The following GPC5 variants were observed in gnomAD, a reference collection of about 807,000 sequenced individuals.
The protein encoded by GPC5 is glypican 5, also known as glypican-5.
Under a neutral mutation model 53.9 loss-of-function variants are expected in GPC5, and 47 were observed. The ratio of observed to expected loss-of-function variants is 0.87; its 90% CI spans 0.69 to 1.11. The LOEUF is 1.11. GPC5 is among the 50% of genes most tolerant of loss of function. GPC5 has a pLI of 0.00. For synonymous variants in GPC5, 286 were observed against 263.3 expected, an observed-to-expected ratio of 1.09 and a Z score of -0.84; for missense variants, 748 against 713.1, an observed-to-expected ratio of 1.05 and a Z score of -0.56.
At chr13:92,119,441 C>CAAGCTGGA (rs1222016246) in intron 6 of GPC5, among the ~76,000 whole-genome samples, 1 of 136,890 alleles carries the variant, frequency 7.3e-6, no homozygotes, top group Admixed American at 8.0e-5. Context: ...CTCTTTCACC[C>CAAGCTGGA]AAGCTGGAGT....
At chr13:91,554,758 C>T (rs1723041460) in intron 2 of GPC5, among the ~76,000 whole-genome samples, 1 of 152,052 alleles carries the variant, frequency 6.6e-6, no homozygotes, top group Non-Finnish European at 1.5e-5. Context: ...TGTAACCTCT[C>T]CGTGGTGTTG....
chr13:92,339,646 T>C (rs1029420694), intron 7 of GPC5: 1 of 152,132 alleles, frequency 6.6e-6, no homozygotes, highest in Non-Finnish European at 1.5e-5. Context: ...TCTGTGGATG[T>C]ATATAAAAAT....
At chr13:92,672,825 C>A (rs1479175140) in intron 7 of GPC5, among the ~76,000 whole-genome samples, 2 of 151,994 alleles carry the variant, frequency 1.3e-5, no homozygotes, top group South Asian at 2.1e-4. Context: ...TAAGTGGGAG[C>A]TAAAGGATGA....
At chr13:91,573,960 T>C (rs2032040266) in intron 2 of GPC5, among the ~76,000 whole-genome samples, 1 of 152,214 alleles carries the variant, frequency 6.6e-6, no homozygotes, top group Non-Finnish European at 1.5e-5. Flanking sequence ...AGTTTGTCAC[T>C]ACATCCTGCC....
intron 7 of GPC5, among the ~76,000 whole-genome samples, chr13:92,151,684 A>G (rs542720526): frequency 1.3e-5 from 2 of 152,316 alleles, no homozygotes; most frequent in East Asian, 1.9e-4. Flanking sequence ...GGATACTTCT[A>G]TTTTGAAATA....
At chr13:91,975,619 C>G (rs968899866) in intron 6 of GPC5, among the ~76,000 whole-genome samples, 1 of 152,144 alleles carries the variant, frequency 6.6e-6, no homozygotes, top group African/African-American at 2.4e-5. Context: ...AGTCAGGAAA[C>G]AACAGGTGCT....
At chr13:91,500,135 A>G (rs2139291541) in intron 2 of GPC5, among the ~76,000 whole-genome samples, 1 of 152,234 alleles carries the variant, frequency 6.6e-6, no homozygotes, top group East Asian at 1.9e-4. Flanking sequence ...TATGCTCCTC[A>G]TTTTATTTAA....
chr13:91,860,414 G>A (rs934486706), intron 5 of GPC5, among the ~76,000 whole-genome samples: 5 of 150,172 alleles, frequency 3.3e-5, no homozygotes, highest in Non-Finnish European at 7.4e-5. Context: ...TCTCTTTTAT[G>A]GCCGAATAGT....
At chr13:91,721,361 C>T (rs2139968551) in intron 3 of GPC5, among the ~76,000 whole-genome samples, 1 of 152,264 alleles carries the variant, frequency 6.6e-6, no homozygotes, top group African/African-American at 2.4e-5. Flanking sequence ...TGTCGAACTC[C>T]TGACCTCATG....
rs573364402 is a variant in GPC5 at position 92,760,987 on chromosome 13, G to T, written c.1562-105295G>T. Among the ~76,000 whole-genome samples, 6 of 152,076 alleles carry T rather than the reference G, an allele frequency of 3.9e-5. No homozygotes were observed. In the East Asian group the frequency reaches 1.2e-3, roughly 29 times the overall value. ...AAATTCTTCCTCTTAGAGATTTCTA[G>T]TTTCATACCATTGTGGTCAGAAATA... On this transcript the variant is annotated intron_variant, in intron 7 of 7. Coordinates refer to ENST00000377067, the MANE Select transcript of GPC5 (RefSeq NM_004466.6).
intron 7 of GPC5, among the ~76,000 whole-genome samples, chr13:92,745,708 G>C (rs1240645177): frequency 6.6e-6 from 1 of 151,948 alleles, no homozygotes; most frequent in Non-Finnish European, 1.5e-5. Context: ...AATAGTAATA[G>C]GCAATTCTAA....
intron 6 of GPC5, among the ~76,000 whole-genome samples, chr13:92,118,263 G>A (rs941677059): frequency 6.6e-6 from 1 of 152,116 alleles, no homozygotes; most frequent in African/African-American, 2.4e-5. Context: ...TATCTGTTGA[G>A]CTTTGAATGT....
chr13:91,802,726 T>C (rs9301755), intron 5 of GPC5, among the ~76,000 whole-genome samples: 91,608 of 151,734 alleles, frequency 0.6, 28,151 homozygotes, highest in East Asian at 0.96. Context: ...AGCTTCACCT[T>C]TCACTAGCAT....
intron 6 of GPC5, among the ~76,000 whole-genome samples, chr13:92,034,136 C>T (rs1470349930): frequency 2.0e-5 from 3 of 152,188 alleles, no homozygotes; most frequent in Non-Finnish European, 2.9e-5. Context: ...ATACTATAAC[C>T]TCATTCATAA....
intron 4 of GPC5, 116 bp from the exon 5 acceptor site, chr13:91,756,179 A>G (rs1253820108): frequency 1.6e-5 from 10 of 620,456 alleles, no homozygotes; most frequent in Non-Finnish European, 1.4e-5. Context: ...TCTAAACATT[A>G]TGCATAACAA....
At position 91,857,667 on chromosome 13, in the gene GPC5, A is replaced by G. The variant is rs529950419; in HGVS notation, c.1281-50270A>G. On this transcript the variant is annotated intron_variant, in intron 5 of 7. Transcript: ENST00000377067. ...CTCAGTACATTAAATATAAGTTACA[A>G]GGACATACATACTTGCCTTGTTCCC... 5.1e-4 allele frequency among the ~76,000 whole-genome samples: 77 copies of G among 151,264 alleles called. 1 individual carries two copies. The highest frequency in any genetic ancestry group is 1.8e-3 in the African/African-American group (75 of 41,450).
chr13:92,110,159 G>A (rs2041545710), intron 6 of GPC5, among the ~76,000 whole-genome samples: 1 of 152,080 alleles, frequency 6.6e-6, no homozygotes, highest in East Asian at 1.9e-4. Flanking sequence ...TTGAAGAATA[G>A]GGAAAAACAC....
At chr13:92,841,780 CT>C (rs1878439534) in intron 7 of GPC5, among the ~76,000 whole-genome samples, 1 of 152,060 alleles carries the variant, frequency 6.6e-6, no homozygotes. Context: ...TAAGTGCCTC[CT>C]TTCTCTACTT....
intron 7 of GPC5, among the ~76,000 whole-genome samples, chr13:92,181,448 G>A (rs546594494): frequency 2.0e-5 from 3 of 152,258 alleles, no homozygotes; most frequent in South Asian, 2.1e-4. Flanking sequence ...GATAATTAAT[G>A]CTTTGAATAC....
Sources: gnomAD v4.1 joint callset for allele counts (sites outside exome capture counted in the v4.1 genomes callset) on GRCh38, gnomAD v4.1.1 for gene constraint, MANE v1.5 for transcripts, NCBI Gene and HGNC (gene_info 2026-07-23, HGNC 2026-07-21) for gene names.